Variants in TCAIM observed in about 807,000 individuals in gnomAD.
TCAIM encodes T-cell activation inhibitor, mitochondrial.
A neutral mutation model predicts 58.6 loss-of-function variants in TCAIM; 36 were observed. The observed-to-expected ratio is 0.61, with a 90% CI of 0.47 to 0.81. The LOEUF (loss-of-function observed/expected upper bound fraction) is 0.81. Among genes scored for constraint, TCAIM ranks in the 30% least tolerant of loss-of-function variants. The pLI is 0.00. For synonymous variants in TCAIM, 172 were observed against 193.6 expected, an observed-to-expected ratio of 0.89 and a Z score of 0.93; for missense variants, 466 against 579.6, an observed-to-expected ratio of 0.80 and a Z score of 2.01.
chr3:44,347,538 T>C (rs1411662279), intron 1 of TCAIM, among the ~76,000 whole-genome samples: 3 of 151,844 alleles, frequency 2.0e-5, no homozygotes, highest in Non-Finnish European at 4.4e-5. Flanking sequence ...TAATGGGTGG[T>C]GGAGGGACGT....
chr3:44,373,053 G>T (rs571244167), intron 5 of TCAIM, among the ~76,000 whole-genome samples: 89 of 151,872 alleles, frequency 5.9e-4, no homozygotes, highest in African/African-American at 2.1e-3. Context: ...AGAAGTGCAG[G>T]GTAAAATTGT....
At chr3:44,400,271 T>G in intron 8 of TCAIM, 84 bp from the exon 9 acceptor site, 1 of 1,054,508 alleles carries the variant, frequency 9.5e-7, no homozygotes, top group Non-Finnish European at 1.4e-6. Flanking sequence ...TAAAAATGTC[T>G]TAATGCCATT....
chr3:44,358,105 G>T, intron 3 of TCAIM: 1 of 1,434,690 alleles, frequency 7.0e-7, no homozygotes, highest in South Asian at 1.5e-5. Flanking sequence ...ACTCTTTAGA[G>T]TACTAGTAAT....
At chr3:44,399,962 G>A (rs1701996734) in intron 8 of TCAIM, among the ~76,000 whole-genome samples, 1 of 152,304 alleles carries the variant, frequency 6.6e-6, no homozygotes, top group Non-Finnish European at 1.5e-5. Context: ...TTGCTTTAAA[G>A]TAAATTTTGA....
At chr3:44,405,663 C>T (rs1488354509) in intron 10 of TCAIM, among the ~76,000 whole-genome samples, 1 of 150,834 alleles carries the variant, frequency 6.6e-6, no homozygotes, top group Non-Finnish European at 1.5e-5. Flanking sequence ...AACAGCAAGA[C>T]CCTATCTCAA....
At chr3:44,373,810 A>G (rs567226747) in intron 5 of TCAIM, among the ~76,000 whole-genome samples, 1 of 152,308 alleles carries the variant, frequency 6.6e-6, no homozygotes, top group South Asian at 2.1e-4. Flanking sequence ...TTCTTTGATT[A>G]TCAAATTATG....
chr3:44,370,948 G>T (rs1173439010), intron 5 of TCAIM, among the ~76,000 whole-genome samples: 1 of 137,924 alleles, frequency 7.3e-6, no homozygotes, highest in Non-Finnish European at 1.5e-5. Context: ...GTCTCACTCT[G>T]TTGCCCAGGC....
intron 5 of TCAIM, among the ~76,000 whole-genome samples, chr3:44,375,961 G>A (rs1701558377): frequency 6.6e-6 from 1 of 152,168 alleles, no homozygotes; most frequent in South Asian, 2.1e-4. Context: ...TTAAAAAGTG[G>A]CATATCCATA....
chr3:44,369,268 T>TG (rs1434214939), intron 5 of TCAIM, among the ~76,000 whole-genome samples: 1 of 152,200 alleles, frequency 6.6e-6, no homozygotes, highest in Non-Finnish European at 1.5e-5. Context: ...ATTGTTGTAC[T>TG]TATCTTGCGC....
chr3:44,370,840 C>G (rs1283030973), intron 5 of TCAIM, among the ~76,000 whole-genome samples: 5 of 149,568 alleles, frequency 3.3e-5, no homozygotes, highest in African/African-American at 1.2e-4. Context: ...CTCCTGGGCT[C>G]AAGTGATCCT....
At chr3:44,362,520 T>C (rs891532098) in intron 4 of TCAIM, 2 of 400,576 alleles carry the variant, frequency 5.0e-6, no homozygotes, top group East Asian at 3.6e-5. Context: ...TTTGATAGTA[T>C]ATGATCTCTT....
rs758228376 is a variant in TCAIM at position 44,398,435 on chromosome 3, G to C, written c.885+1601G>C. ...ACACAGCGAGACTGTGTCTCAAATAGATACAAAGATTAGATAGATAGATAG... is the reference window on the plus strand; with the variant it reads ...ACACAGCGAGACTGTGTCTCAAATACATACAAAGATTAGATAGATAGATAG... On this transcript the variant is annotated intron_variant, in intron 8 of 10. Transcript: ENST00000342649. Among the ~76,000 whole-genome samples the C allele has an allele frequency of 1.6e-3, 233 of 144,438 alleles. 2 individuals carry two copies. The highest frequency in any genetic ancestry group is 1.3e-3 in the Non-Finnish European group (86 of 65,876). The allele number at this position is 144,438 out of a possible 152,430, so 94.8% of individuals were successfully genotyped here.
chr3:44,358,414 G>A (rs767345321), intron 3 of TCAIM: 10 of 603,250 alleles, frequency 1.7e-5, no homozygotes, highest in Middle Eastern at 2.6e-4. Flanking sequence ...ATATCCATGG[G>A]TTTTACATCC....
chr3:44,396,766 C>T lies in TCAIM; in HGVS notation c.817C>T (p.Arg273Cys), dbSNP rs1396125213. The T allele has an allele frequency of 4.3e-6, 7 of 1,613,992 alleles. No individual in the cohort carries two copies. Among genetic ancestry groups the T allele is most frequent in the East Asian group, 4.5e-5 (2 of 44,886 alleles). ...AGGGTGTACAATCATATTTACAGAC[C>T]GTTCTGGCATGAGTGCAGTGGGCCA... ...AKGCTIIFTD[R>C]SGMSAVGHVM... The change falls in exon 8 of 11, where the codon CGT becomes TGT. Residue 273 changes from arginine to cysteine, a missense_variant. By Grantham distance (180) the Arg-to-Cys change is radical. Coordinates refer to ENST00000342649, the MANE Select transcript of TCAIM (RefSeq NM_173826.4).
At chr3:44,343,085 C>T (rs1290138858) in intron 1 of TCAIM, among the ~76,000 whole-genome samples, 3 of 151,560 alleles carry the variant, frequency 2.0e-5, no homozygotes, top group East Asian at 1.9e-4. Flanking sequence ...CGCAGTGAGC[C>T]GAGATCATGC....
At chr3:44,351,155 A>AT (rs761666492) in intron 1 of TCAIM, among the ~76,000 whole-genome samples, 16 of 152,034 alleles carry the variant, frequency 1.1e-4, no homozygotes, top group Non-Finnish European at 2.1e-4. Flanking sequence ...TGGCTGGCTA[A>AT]TTTTTGTGCT....
rs758227280 is a variant in TCAIM, at chr3:44,396,735, G to A, written c.794-8G>A. On this transcript the variant is annotated splice_region_variant and splice_polypyrimidine_tract_variant and intron_variant, in intron 7 of 10. Coordinates refer to ENST00000342649, the MANE Select transcript of TCAIM (RefSeq NM_173826.4). ...ACCATGACCAAAGGTTTTGTGTTTT[G>A]TCATCAGGGTGTACAATCATATTTA... 6.2e-7 allele frequency: 1 copy of A among 1,612,880 alleles called. No homozygotes were observed. The highest frequency in any genetic ancestry group is 1.7e-5 in the Admixed American group (1 of 59,764).
In TCAIM at chr3:44,409,120, C is replaced by A. The variant is rs1160892896; in HGVS notation, c.*1438C>A. On this transcript the variant is annotated 3_prime_UTR_variant, in exon 11 of 11. Coordinates refer to ENST00000342649, the MANE Select transcript of TCAIM (RefSeq NM_173826.4). ...AAGTATGTTTTATATTTATCTAAAA[C>A]ACTGATTTTAAAAGTTTACATTCAA... 1 of 152,122 alleles carries A rather than the reference C, an allele frequency of 6.6e-6. No homozygotes were observed. Among genetic ancestry groups the A allele is most frequent in the Non-Finnish European group, 1.5e-5 (1 of 68,012 alleles). 9.4% of individuals were successfully genotyped at this position (152,122 alleles called of 1,614,324 possible). A position where few individuals can be genotyped will look rare whatever the true frequency, so the allele number is the denominator to read the frequency against.
chr3:44,360,597 CT>C (rs796123079), intron 3 of TCAIM, among the ~76,000 whole-genome samples: 162 of 144,970 alleles, frequency 1.1e-3, no homozygotes, highest in Non-Finnish European at 1.2e-3. Context: ...TATATATAAT[CT>C]TTTTTTTTTT....
Sources: allele counts gnomAD v4.1 joint callset (sites outside exome capture counted in the v4.1 genomes callset), GRCh38; gene constraint gnomAD v4.1.1; transcripts MANE v1.5; gene names NCBI Gene and HGNC (gene_info 2026-07-23, HGNC 2026-07-21).